The following SMYD3 variants were observed in gnomAD, a reference collection of about 807,000 sequenced individuals.
SMYD3 encodes SET and MYND domain containing 3.
Under a neutral mutation model 57.7 loss-of-function variants are expected in SMYD3, and 36 were observed. The observed-to-expected ratio is 0.62, with a 90% CI of 0.48 to 0.82. The LOEUF (loss-of-function observed/expected upper bound fraction) is 0.82. SMYD3 is among the 40% of genes least tolerant of loss of function. SMYD3 has a pLI of 0.00. For missense variants in SMYD3, 515 were observed against 538.8 expected, an observed-to-expected ratio of 0.96 and a Z score of 0.44; for synonymous variants, 211 against 195.0, an observed-to-expected ratio of 1.08 and a Z score of -0.68.
chr1:246,008,530 C>T (rs1430372840), intron 5 of SMYD3, among the ~76,000 whole-genome samples: 6 of 152,184 alleles, frequency 3.9e-5, no homozygotes, highest in East Asian at 3.9e-4. Flanking sequence ...GGCATAAGAG[C>T]TGTAAGAATG....
At chr1:246,142,539 G>T (rs1361479630) in intron 5 of SMYD3, among the ~76,000 whole-genome samples, 1 of 152,154 alleles carries the variant, frequency 6.6e-6, no homozygotes, top group African/African-American at 2.4e-5. Flanking sequence ...ATAACTGAGG[G>T]TGACTGCTAG....
intron 1 of SMYD3, among the ~76,000 whole-genome samples, chr1:246,402,500 G>A (rs1424469116): frequency 6.6e-6 from 1 of 151,878 alleles, no homozygotes; most frequent in East Asian, 1.9e-4. Flanking sequence ...GTCTGTAACA[G>A]ACTTCTGCAT....
intron 10 of SMYD3, among the ~76,000 whole-genome samples, chr1:245,815,714 C>T (rs188782279): frequency 1.5e-4 from 23 of 152,338 alleles, no homozygotes; most frequent in Admixed American, 1.4e-3. Flanking sequence ...ATGTCTTTAA[C>T]ACTTTACAGT....
chr1:245,807,609 C>T (rs558079796), intron 10 of SMYD3, among the ~76,000 whole-genome samples: 28 of 152,112 alleles, frequency 1.8e-4, no homozygotes, highest in Non-Finnish European at 2.8e-4. Context: ...AACGGCCTTG[C>T]ATTCATGGAC....
intron 4 of SMYD3, among the ~76,000 whole-genome samples, chr1:246,328,668 G>T (rs1015811254): frequency 6.7e-6 from 1 of 149,696 alleles, no homozygotes; most frequent in African/African-American, 2.5e-5. Context: ...GTAAATATAT[G>T]TTTTTTTATT....
intron 5 of SMYD3, among the ~76,000 whole-genome samples, chr1:246,113,198 A>AATAC (rs1463986539): frequency 1.9e-5 from 2 of 105,878 alleles, no homozygotes; most frequent in African/African-American, 1.5e-4. Flanking sequence ...TAAATAAATA[A>AATAC]ATAAATAAAT....
intron 5 of SMYD3, among the ~76,000 whole-genome samples, chr1:245,978,963 A>G (rs1367252063): frequency 6.6e-6 from 1 of 152,206 alleles, no homozygotes; most frequent in Non-Finnish European, 1.5e-5. Flanking sequence ...GTATCTGTCC[A>G]TTCTTGGCAG....
chr1:246,108,345 G>T (rs912379296), intron 5 of SMYD3, among the ~76,000 whole-genome samples: 4 of 152,170 alleles, frequency 2.6e-5, no homozygotes, highest in African/African-American at 9.7e-5. Context: ...TAGGGTCACA[G>T]GTTACGCTAT....
chr1:245,923,447 G>T, intron 7 of SMYD3, among the ~76,000 whole-genome samples: 1 of 152,178 alleles, frequency 6.6e-6, no homozygotes, highest in East Asian at 1.9e-4. Context: ...ACCAAGGTCT[G>T]TGATAAGGCT....
At chr1:246,075,651 C>T (rs924398917) in intron 5 of SMYD3, among the ~76,000 whole-genome samples, 19 of 152,164 alleles carry the variant, frequency 1.2e-4, no homozygotes, top group Non-Finnish European at 2.6e-4. Context: ...AGATGGAAGG[C>T]TGAAATTTCA....
At chr1:246,475,868 G>A (rs970883773) in intron 1 of SMYD3, among the ~76,000 whole-genome samples, 3 of 152,128 alleles carry the variant, frequency 2.0e-5, no homozygotes, top group African/African-American at 7.2e-5. Context: ...ACCCACCCTG[G>A]CCACCAAAAG....
intron 5 of SMYD3, among the ~76,000 whole-genome samples, chr1:246,265,599 T>A (rs1011643188): frequency 6.6e-6 from 1 of 152,130 alleles, no homozygotes; most frequent in African/African-American, 2.4e-5. Flanking sequence ...TATTGGGATA[T>A]TCACATGTCA....
At chr1:246,348,011 A>G (rs1024240946) in intron 2 of SMYD3, among the ~76,000 whole-genome samples, 5 of 145,990 alleles carry the variant, frequency 3.4e-5, no homozygotes, top group African/African-American at 1.3e-4. Context: ...TAGCAAAGAC[A>G]GGGAATCAAT....
intron 5 of SMYD3, among the ~76,000 whole-genome samples, chr1:246,159,029 C>T (rs929915996): frequency 4.6e-5 from 7 of 151,908 alleles, no homozygotes; most frequent in Non-Finnish European, 5.9e-5. Flanking sequence ...ACACCACGAG[C>T]GTGTGGAAGA....
At chr1:246,018,787 T>A (rs2148218959) in intron 5 of SMYD3, among the ~76,000 whole-genome samples, 1 of 150,340 alleles carries the variant, frequency 6.7e-6, no homozygotes, top group South Asian at 2.1e-4. Flanking sequence ...TTTTTTCCTG[T>A]AGAGATGGAT....
intron 1 of SMYD3, among the ~76,000 whole-genome samples, chr1:246,486,241 T>C (rs2068186134): frequency 6.6e-6 from 1 of 152,216 alleles, no homozygotes; most frequent in Non-Finnish European, 1.5e-5. Flanking sequence ...ATGAAATTAG[T>C]AAACGGCATC....
At chr1:246,185,837 T>C (rs1055270322) in intron 5 of SMYD3, among the ~76,000 whole-genome samples, 1 of 152,164 alleles carries the variant, frequency 6.6e-6, no homozygotes, top group African/African-American at 2.4e-5. Flanking sequence ...ATGCTAAAAA[T>C]GCCAAAAAGA....
At chr1:246,470,982 G>A (rs2067954134) in intron 1 of SMYD3, among the ~76,000 whole-genome samples, 1 of 152,070 alleles carries the variant, frequency 6.6e-6, no homozygotes, top group Non-Finnish European at 1.5e-5. Context: ...TAATATTTAT[G>A]TATGTGTGTT....
At chr1:246,071,524 T>A (rs967874654) in intron 5 of SMYD3, among the ~76,000 whole-genome samples, 1 of 152,158 alleles carries the variant, frequency 6.6e-6, no homozygotes, top group Non-Finnish European at 1.5e-5. Flanking sequence ...GGGAAGAGCC[T>A]AGTACCTAGG....
Sources: allele counts gnomAD v4.1 joint callset (sites outside exome capture counted in the v4.1 genomes callset), GRCh38; gene constraint gnomAD v4.1.1; transcripts MANE v1.5; gene names NCBI Gene and HGNC (gene_info 2026-07-23, HGNC 2026-07-21).